NEMP2: variants seen among roughly 807,000 people sequenced by gnomAD.
NEMP2 encodes nuclear envelope integral membrane protein 2.
A neutral mutation model predicts 54.2 loss-of-function variants in NEMP2; 53 were observed. That is an observed-to-expected ratio of 0.98 (90% CI 0.78 to 1.23). NEMP2 has a LOEUF of 1.23. Among genes scored for constraint, NEMP2 ranks in the 50% most tolerant of loss-of-function variants. The pLI is 0.00. For synonymous variants in NEMP2, 197 were observed against 190.3 expected (o/e 1.04, Z -0.29); for missense variants, 455 against 511.3 (o/e 0.89, Z 1.06).
the NEMP2 span, among the ~76,000 whole-genome samples, chr2:190,475,821 C>G: frequency 1.1e-4 from 17 of 151,646 alleles, no homozygotes; most frequent in East Asian, 9.7e-4. Flanking sequence ...ATACTACAAG[C>G]CTACAGTAAC....
the NEMP2 span, among the ~76,000 whole-genome samples, chr2:190,587,238 T>C: frequency 6.6e-6 from 1 of 152,198 alleles, no homozygotes; most frequent in Non-Finnish European, 1.5e-5. The surrounding 1 kb of genome is among the most constrained non-coding windows in gnomAD (Gnocchi z 5.4). Flanking sequence ...AAGCTGGAGC[T>C]AGTGTCTCTC....
At chr2:190,628,360 G>C in the NEMP2 span, 1 of 152,166 alleles carries the variant, frequency 6.6e-6, no homozygotes, top group Non-Finnish European at 1.5e-5. The surrounding 1 kb of genome is among the most constrained non-coding windows in gnomAD (Gnocchi z 4.1). Flanking sequence ...GATGGAGGAC[G>C]CCTGTTACTG....
the NEMP2 span, among the ~76,000 whole-genome samples, chr2:190,577,205 A>G: frequency 6.6e-6 from 1 of 152,136 alleles, no homozygotes; most frequent in Non-Finnish European, 1.5e-5. The surrounding 1 kb of genome is among the most constrained non-coding windows in gnomAD (Gnocchi z 4.8). Flanking sequence ...CAAAATTTAT[A>G]TGTTAGGATG....
chr2:190,454,624 C>T, the NEMP2 span: 2 of 152,196 alleles, frequency 1.3e-5, no homozygotes, highest in Non-Finnish European at 2.9e-5. This position sits in a 1 kb window ranked among gnomAD's most constrained non-coding sequence, Gnocchi z 4.6. Context: ...AGACCCCTCA[C>T]CAGAACCCAG....
At chr2:190,462,602 C>T in the NEMP2 span, among the ~76,000 whole-genome samples, 1 of 152,134 alleles carries the variant, frequency 6.6e-6, no homozygotes, top group Admixed American at 6.5e-5. The surrounding 1 kb of genome is among the most constrained non-coding windows in gnomAD (Gnocchi z 5.7). Flanking sequence ...GTGCAACAGA[C>T]TGTGATGAGT....
In NEMP2 at chr2:190,533,958, T is replaced by C. The variant is rs571049566; in HGVS notation, c.97+601A>G. 4.9e-5 allele frequency: 48 copies of C among 985,162 alleles called. No homozygotes were observed. In the African/African-American group the frequency reaches 8.2e-4, roughly 17 times the overall value. The allele number at this position is 985,162 out of a possible 1,614,324, so 61.0% of individuals were successfully genotyped here. A position where few individuals can be genotyped will look rare whatever the true frequency, so the allele number is the denominator to read the frequency against. On this transcript the variant is annotated intron_variant, in intron 1 of 8. Transcript: ENST00000409150. The surrounding 1 kb of genome is among the most constrained non-coding windows in gnomAD (Gnocchi z 4.3). ...AGCCGCTACCAGTTCTTGCTTCCTG[T>C]GTGCCAGGCATTGTGCACACGAACA...
chr2:190,571,727 C>G, the NEMP2 span, among the ~76,000 whole-genome samples: 4 of 152,034 alleles, frequency 2.6e-5, no homozygotes, highest in Non-Finnish European at 4.4e-5. Flanking sequence ...ATGTTGTATC[C>G]CATAGTAGCA....
chr2:190,465,442 T>C, the NEMP2 span, among the ~76,000 whole-genome samples: 1 of 152,132 alleles, frequency 6.6e-6, no homozygotes, highest in South Asian at 2.1e-4. This position sits in a 1 kb window ranked among gnomAD's most constrained non-coding sequence, Gnocchi z 4.6. Context: ...TTTCAGTGTC[T>C]TGTATTTCCA....
chr2:190,482,577 T>C, the NEMP2 span, among the ~76,000 whole-genome samples: 2 of 152,156 alleles, frequency 1.3e-5, no homozygotes, highest in Non-Finnish European at 2.9e-5. Flanking sequence ...TCCCTAGTAC[T>C]GTGTCAGTTC....
At chr2:190,612,515 C>A in the NEMP2 span, among the ~76,000 whole-genome samples, 1 of 152,114 alleles carries the variant, frequency 6.6e-6, no homozygotes, top group East Asian at 1.9e-4. Flanking sequence ...CACACAAGAT[C>A]CTTCATTATA....
chr2:190,538,282 A>G (rs1691442855), upstream of NEMP2, among the ~76,000 whole-genome samples: 1 of 152,094 alleles, frequency 6.6e-6, no homozygotes, highest in Non-Finnish European at 1.5e-5. This position sits in a 1 kb window ranked among gnomAD's most constrained non-coding sequence, Gnocchi z 4.1. Context: ...AGTTCCATCC[A>G]TGTTGCTGCA....
the NEMP2 span, among the ~76,000 whole-genome samples, chr2:190,495,393 G>A: frequency 6.6e-6 from 1 of 152,160 alleles, no homozygotes; most frequent in Non-Finnish European, 1.5e-5. This position sits in a 1 kb window ranked among gnomAD's most constrained non-coding sequence, Gnocchi z 4.7. Flanking sequence ...TGGATGGGTA[G>A]AATCAATATT....
rs12619560 is a variant in NEMP2, at chr2:190,530,920, T to C, written c.97+3639A>G. Among the ~76,000 whole-genome samples, 45,396 of 152,090 alleles carry C rather than the reference T, an allele frequency of 0.3. 7,529 individuals carry two copies. Among genetic ancestry groups the C allele is most frequent in the East Asian group, 0.46 (2,404 of 5,180 alleles). ...GGCTCATGCCTGTAATCCCAGCACT[T>C]TGGGAGGCCAAGGCAGGTGGATCCC... On this transcript the variant is annotated intron_variant, in intron 1 of 8. Coordinates refer to ENST00000409150, the MANE Select transcript of NEMP2 (RefSeq NM_001142645.2). The surrounding 1 kb of genome is among the most constrained non-coding windows in gnomAD (Gnocchi z 4.6).
rs1691007673 is a variant in NEMP2 at position 190,528,148 on chromosome 2, C to CATA, written c.98-2771_98-2770insTAT. On this transcript the variant is annotated intron_variant, in intron 1 of 8. Transcript: ENST00000409150. The surrounding 1 kb of genome is among the most constrained non-coding windows in gnomAD (Gnocchi z 4.3). ...CACATTTTTGAATATATCTGAGATG[C>CATA]AAATGACTTCTGGCCAAGGGCAGCA... Among the ~76,000 whole-genome samples the CATA allele has an allele frequency of 6.6e-6, 1 of 152,186 alleles. No individual in the cohort carries two copies. The highest frequency in any genetic ancestry group is 6.5e-5 in the Admixed American group (1 of 15,282).
At chr2:190,576,589 C>A in the NEMP2 span, among the ~76,000 whole-genome samples, 1 of 133,200 alleles carries the variant, frequency 7.5e-6, no homozygotes, top group South Asian at 2.2e-4. Flanking sequence ...CTGCAACATA[C>A]TGAATTGAGG....
the NEMP2 span, among the ~76,000 whole-genome samples, chr2:190,447,562 T>C: frequency 6.6e-6 from 1 of 152,218 alleles, no homozygotes; most frequent in Non-Finnish European, 1.5e-5. The surrounding 1 kb of genome is among the most constrained non-coding windows in gnomAD (Gnocchi z 4.5). Flanking sequence ...AAAAATAAAT[T>C]GCTTATATAC....
chr2:190,430,350 C>T, the NEMP2 span, among the ~76,000 whole-genome samples: 33,754 of 150,666 alleles, frequency 0.22, 4,848 homozygotes, highest in South Asian at 0.33. Context: ...GAGGACCCTG[C>T]GGCCTTCCGC....
the NEMP2 span, among the ~76,000 whole-genome samples, chr2:190,455,934 C>CTTTTTTTTTTTTTTTTTTTT: frequency 1.5e-5 from 1 of 65,370 alleles, no homozygotes; most frequent in Admixed American, 2.7e-4. Flanking sequence ...ATTTACTCTG[C>CTTTTTTTTTTTTTTTTTTTT]TTTTTTTTTT....
chr2:190,493,918 A>T, the NEMP2 span, among the ~76,000 whole-genome samples: 1 of 152,150 alleles, frequency 6.6e-6, no homozygotes, highest in Non-Finnish European at 1.5e-5. Flanking sequence ...AGTATGAAAG[A>T]ACACAAATAG....
Sources: gnomAD v4.1 joint callset for allele counts (sites outside exome capture counted in the v4.1 genomes callset) on GRCh38, gnomAD v4.1.1 for gene constraint, Gnocchi (gnomAD v3.1) non-coding constraint, MANE v1.5 for transcripts, NCBI Gene and HGNC (gene_info 2026-07-23, HGNC 2026-07-21) for gene names.